The following NDUFAF1 variants were observed in gnomAD, a reference collection of about 807,000 sequenced individuals.
NDUFAF1 encodes the protein NADH:ubiquinone oxidoreductase complex assembly factor 1.
Under a neutral mutation model 28.7 loss-of-function variants are expected in NDUFAF1, and 18 were observed. The ratio of observed to expected loss-of-function variants is 0.63; its 90% CI spans 0.43 to 0.93. NDUFAF1 has a LOEUF of 0.93. Ranked by LOEUF, NDUFAF1 falls within the 40% of genes least tolerant of loss-of-function variation. The pLI is 0.00. For synonymous variants in NDUFAF1, 113 were observed against 139.7 expected (o/e 0.81, Z 1.35); for missense variants, 404 against 398.3 (o/e 1.01, Z -0.12).
chr15:41,391,675 GATGA>G (rs1172602893), intron 3 of NDUFAF1, among the ~76,000 whole-genome samples: 2 of 151,646 alleles, frequency 1.3e-5, no homozygotes, highest in East Asian at 1.9e-4. Flanking sequence ...ACAATAAACA[GATGA>G]ATGAATGAAC....
chr15:41,400,489 G>A (rs147434027), intron 1 of NDUFAF1, among the ~76,000 whole-genome samples: 77 of 150,390 alleles, frequency 5.1e-4, no homozygotes, highest in African/African-American at 1.7e-3. Flanking sequence ...TTACAGGCGT[G>A]AGCCACTGCA....
In NDUFAF1 at chr15:41,397,083, G is replaced by C. The variant is rs1419739058; in HGVS notation, c.-24C>G. On this transcript the variant is annotated 5_prime_UTR_variant, in exon 2 of 5. Transcript: ENST00000260361. ...ATGGTACAAAAAAATCAAAATGTAA[G>C]TTTCTTCCTGGGCTAGCAAGGGCCA... 6.2e-7 allele frequency: 1 copy of C among 1,609,040 alleles called. No individual in the cohort carries two copies. The highest frequency in any genetic ancestry group is 8.5e-7 in the Non-Finnish European group (1 of 1,176,776).
intron 4 of NDUFAF1, 53 bp downstream of exon 4, chr15:41,388,395 C>A: frequency 7.3e-7 from 1 of 1,373,374 alleles, no homozygotes; most frequent in South Asian, 1.2e-5. Context: ...CCCCAGAGTT[C>A]CGATTCATTA....
At position 41,402,254 on chromosome 15, in the gene NDUFAF1, A is replaced by G. The variant is rs948869374; in HGVS notation, c.-192T>C. 11 of 453,976 alleles carry G rather than the reference A, an allele frequency of 2.4e-5. No homozygotes were observed. Among genetic ancestry groups the G allele is most frequent in the Admixed American group, 7.1e-5 (3 of 42,546 alleles). The allele number at this position is 453,976 out of a possible 1,614,324, so 28.1% of individuals were successfully genotyped here. A position where few individuals can be genotyped will look rare whatever the true frequency, so the allele number is the denominator to read the frequency against. On this transcript the variant is annotated 5_prime_UTR_variant, in exon 1 of 5. Coordinates refer to ENST00000260361, the MANE Select transcript of NDUFAF1 (RefSeq NM_016013.4). ...CGAAGAAACTGACGTTCCAAGGCTA[A>G]TTTACCCGAGGTCACACAGGTAGTG...
At chr15:41,399,557 CAAA>C (rs1230422126) in intron 1 of NDUFAF1, among the ~76,000 whole-genome samples, 2 of 134,144 alleles carry the variant, frequency 1.5e-5, no homozygotes, top group Non-Finnish European at 3.2e-5. Flanking sequence ...AACTCTGTCT[CAAA>C]AAAAAAAATA....
At chr15:41,395,909 GA>G (rs1156979975) in intron 2 of NDUFAF1, among the ~76,000 whole-genome samples, 2 of 151,524 alleles carry the variant, frequency 1.3e-5, no homozygotes, top group African/African-American at 4.8e-5. Context: ...CCAACATGGT[GA>G]AACCCTGTCT....
In NDUFAF1 at chr15:41,396,707, A is replaced by T; in HGVS notation, c.353T>A (p.Leu118Gln). The change falls in exon 2 of 5, where the codon CTG becomes CAG. Residue 118 changes from leucine (L) to glutamine (Q), a missense_variant. By Grantham distance (113) the Leu-to-Gln change is moderately radical. Coordinates refer to ENST00000260361, the MANE Select transcript of NDUFAF1 (RefSeq NM_016013.4). ...TTGCCAGACAACCTTGGCTTGTTCC[A>T]GCAAGACCTCATGCAGAGGGTGGCC... is the stretch of plus-strand genomic sequence containing the variant. Reference protein sequence around the residue: ...PEGHPLHEVLLEQAKVVWQFR... With the variant: ...PEGHPLHEVLQEQAKVVWQFR... The T allele has an allele frequency of 6.2e-7, 1 of 1,614,194 alleles. No individual in the cohort carries two copies. The highest frequency in any genetic ancestry group is 1.6e-4 in the Middle Eastern group (1 of 6,062).
chr15:41,395,374 C>CT lies in NDUFAF1; in HGVS notation c.574-331dup, dbSNP rs563060450. ...TTTTTCTTTTCTTTTCTTTTCTTTT[C>CT]TTTTTTTTTTTTTGAGACGGAGTCT... On this transcript the variant is annotated intron_variant, in intron 2 of 4. Coordinates refer to ENST00000260361, the MANE Select transcript of NDUFAF1 (RefSeq NM_016013.4). Among the ~76,000 whole-genome samples the CT allele has an allele frequency of 5.9e-3, 834 of 141,074 alleles. 6 individuals are homozygous for CT. The highest frequency in any genetic ancestry group is 0.015 in the African/African-American group (574 of 37,082). 92.6% of individuals were successfully genotyped at this position (141,074 alleles called of 152,430 possible).
chr15:41,396,649 T>C lies in NDUFAF1; in HGVS notation c.411A>G (p.Thr137=). 6.2e-7 allele frequency: 1 copy of C among 1,614,170 alleles called. No individual in the cohort carries two copies. Among genetic ancestry groups the C allele is most frequent in the Non-Finnish European group, 8.5e-7 (1 of 1,180,046 alleles). The change falls in exon 2 of 5, where the codon ACA becomes ACG. Residue 137 remains threonine, a synonymous_variant. Transcript: ENST00000260361. The stretch of plus-strand genomic sequence containing the variant: ...CTCCAATCGTCTTATCAGAAGTCAC[T>C]GTCCACTTATCCAAATCTTCTTTCC... ...FRGKEDLDKW[T]VTSDKTIGGR... is the part of the protein sequence containing the mutation.
In NDUFAF1 at chr15:41,402,372, TCAA is replaced by T. The variant is rs1366942288; in HGVS notation, c.-313_-311del. ...GGTTCGCCGCGCTGGGGAGGCCCCC[TCAA>T]CCCTCAAGTGCCAGGGCTCTGTCGC... On this transcript the variant is annotated 5_prime_UTR_variant, in exon 1 of 5. Coordinates refer to ENST00000260361, the MANE Select transcript of NDUFAF1 (RefSeq NM_016013.4). 5 of 453,096 alleles carry T rather than the reference TCAA, an allele frequency of 1.1e-5. No homozygotes were observed. The highest frequency in any genetic ancestry group is 8.0e-5 in the African/African-American group (4 of 49,976). 28.1% of individuals were successfully genotyped at this position (453,096 alleles called of 1,614,324 possible). A position where few individuals can be genotyped will look rare whatever the true frequency, so the allele number is the denominator to read the frequency against.
intron 1 of NDUFAF1, among the ~76,000 whole-genome samples, chr15:41,397,714 G>C (rs958543943): frequency 6.6e-6 from 1 of 150,614 alleles, no homozygotes; most frequent in African/African-American, 2.5e-5. Flanking sequence ...CAGGAGAATA[G>C]CGTCAACCCA....
Position 41,402,305 on chromosome 15 carries a change from G to C in NDUFAF1, c.-243C>G. ...AGTGGCAAAATTCTTCCGCCTTGGC[G>C]TATACCTCCCGCACTCACGGCCTGG... On this transcript the variant is annotated 5_prime_UTR_variant, in exon 1 of 5. Transcript: ENST00000260361. 2 of 454,114 alleles carry C rather than the reference G, an allele frequency of 4.4e-6. No individual in the cohort carries two copies. Among genetic ancestry groups the C allele is most frequent in the South Asian group, 3.1e-5 (2 of 64,482 alleles). 28.1% of individuals were successfully genotyped at this position (454,114 alleles called of 1,614,324 possible).
intron 3 of NDUFAF1, 59 bp downstream of exon 3, chr15:41,394,800 G>T: frequency 1.3e-6 from 2 of 1,578,282 alleles, no homozygotes; most frequent in Non-Finnish European, 1.7e-6. Context: ...TTATAGGCGT[G>T]AGCCACCTCA....
chr15:41,397,527 C>T (rs1254252899), intron 1 of NDUFAF1, among the ~76,000 whole-genome samples: 1 of 152,014 alleles, frequency 6.6e-6, no homozygotes, highest in Non-Finnish European at 1.5e-5. Flanking sequence ...GGGCCGGGCG[C>T]GGTGGCTGAC....
Position 41,394,886 on chromosome 15 carries a change from G to C in NDUFAF1, c.732C>G (p.Arg244=). Residue 244 remains arginine, a synonymous_variant, in exon 3 of 5, where the codon CGC becomes CGG. Coordinates refer to ENST00000260361, the MANE Select transcript of NDUFAF1 (RefSeq NM_016013.4). ...NQMYSYFMFT[R]GGPYWQEVKI... ...TGACCTCCTGCCAGTAGGGTCCCCC[G>C]CGGGTGAACATGAAGTAACTATACA... 3 of 1,613,964 alleles carry C rather than the reference G, an allele frequency of 1.9e-6. No individual in the cohort carries two copies. The highest frequency in any genetic ancestry group is 2.5e-6 in the Non-Finnish European group (3 of 1,179,978).
chr15:41,394,821 A>T, intron 3 of NDUFAF1, 38 bp downstream of exon 3: 1 of 1,607,666 alleles, frequency 6.2e-7, no homozygotes, highest in Non-Finnish European at 8.5e-7. Flanking sequence ...CCCAGCCAAG[A>T]CCTCATTTTT....
intron 3 of NDUFAF1, among the ~76,000 whole-genome samples, chr15:41,390,500 C>T (rs547517979): frequency 2.6e-5 from 4 of 151,996 alleles, no homozygotes; most frequent in East Asian, 3.9e-4. Flanking sequence ...CCAAGGCAGG[C>T]GGATCACGAG....
At chr15:41,388,281 G>T (rs2050275494) in intron 4 of NDUFAF1, among the ~76,000 whole-genome samples, 167 bp downstream of exon 4, 1 of 152,116 alleles carries the variant, frequency 6.6e-6, no homozygotes, top group Non-Finnish European at 1.5e-5. Context: ...CAGGATGGGG[G>T]TATGGTTCAT....
chr15:41,399,800 G>T (rs1317433753), intron 1 of NDUFAF1, among the ~76,000 whole-genome samples: 1 of 142,996 alleles, frequency 7.0e-6, no homozygotes, highest in Non-Finnish European at 1.5e-5. Flanking sequence ...AGCTTGCAGT[G>T]AGCCGAGATC....
Sources: gnomAD v4.1 joint callset for allele counts (sites outside exome capture counted in the v4.1 genomes callset) on GRCh38, gnomAD v4.1.1 for gene constraint, MANE v1.5 for transcripts, NCBI Gene and HGNC (gene_info 2026-07-23, HGNC 2026-07-21) for gene names.